APPBP2: variants seen among roughly 807,000 people sequenced by gnomAD.
APPBP2 encodes amyloid protein-binding protein 2.
In APPBP2, 15 loss-of-function variants were observed where a neutral mutation model predicts 76.0. The ratio of observed to expected loss-of-function variants is 0.20; its 90% CI spans 0.13 to 0.30. APPBP2 has a LOEUF of 0.30. Among genes scored for constraint, APPBP2 ranks in the 10% least tolerant of loss-of-function variants. The pLI is 1.00. For missense variants in APPBP2, 401 were observed against 687.2 expected, an observed-to-expected ratio of 0.58 and a Z score of 4.66; for synonymous variants, 222 against 242.2, an observed-to-expected ratio of 0.92 and a Z score of 0.77.
intron 4 of APPBP2, among the ~76,000 whole-genome samples, chr17:60,470,507 CCTT>C (rs2090544383): frequency 6.6e-6 from 1 of 152,188 alleles, no homozygotes; most frequent in Non-Finnish European, 1.5e-5. Flanking sequence ...CTCAAGAAAT[CCTT>C]CTGCCTCAGC....
At chr17:60,462,982 T>C (rs1469322697) in intron 6 of APPBP2, among the ~76,000 whole-genome samples, 1 of 149,796 alleles carries the variant, frequency 6.7e-6, no homozygotes, top group Non-Finnish European at 1.5e-5. Flanking sequence ...AACCCAGAAA[T>C]ATAAATCTTG....
At chr17:60,466,229 A>G in intron 5 of APPBP2, 62 bp downstream of exon 5, 1 of 1,462,774 alleles carries the variant, frequency 6.8e-7, no homozygotes, top group Non-Finnish European at 9.4e-7. Flanking sequence ...AGACTATTTG[A>G]TTTACCCTCT....
At chr17:60,448,039 C>T (rs1377599088) in intron 12 of APPBP2, among the ~76,000 whole-genome samples, 2 of 152,144 alleles carry the variant, frequency 1.3e-5, no homozygotes, top group African/African-American at 2.4e-5. Flanking sequence ...AAAATTTTCT[C>T]GTCTAAAGAA....
At chr17:60,483,659 C>T (rs1445016555) in intron 3 of APPBP2, among the ~76,000 whole-genome samples, 1 of 152,206 alleles carries the variant, frequency 6.6e-6, no homozygotes, top group Non-Finnish European at 1.5e-5. Context: ...TCCCAAAGTG[C>T]TAGGATTACA....
intron 6 of APPBP2, 27 bp from the exon 7 acceptor site, chr17:60,462,088 C>T (rs2090479643): frequency 6.4e-7 from 1 of 1,563,618 alleles, no homozygotes; most frequent in African/African-American, 1.4e-5. Flanking sequence ...AAATGGTTAA[C>T]TCTCAAACAG....
At chr17:60,456,245 T>C (rs377666940) in intron 10 of APPBP2, 51 bp downstream of exon 10, 11 of 1,223,246 alleles carry the variant, frequency 9.0e-6, no homozygotes, top group Non-Finnish European at 1.3e-5. Context: ...CCCTATTTTA[T>C]ACCATATATC....
intron 11 of APPBP2, 30 bp from the exon 12 acceptor site, chr17:60,452,075 T>G: frequency 6.2e-7 from 1 of 1,605,292 alleles, no homozygotes; most frequent in Non-Finnish European, 8.5e-7. Context: ...TATCAATCAT[T>G]ATACTTTTTC....
At chr17:60,460,574 TTAATG>T in intron 9 of APPBP2, 84 bp downstream of exon 9, 3 of 1,324,800 alleles carry the variant, frequency 2.3e-6, no homozygotes, top group Non-Finnish European at 3.1e-6. Flanking sequence ...AGTACTATTA[TTAATG>T]TAATAATAGT....
chr17:60,502,355 C>T (rs1032898574), intron 1 of APPBP2, among the ~76,000 whole-genome samples: 2 of 152,196 alleles, frequency 1.3e-5, no homozygotes, highest in Middle Eastern at 3.2e-3. Context: ...AACAGAATAA[C>T]TCAGGGAAAG....
intron 4 of APPBP2, among the ~76,000 whole-genome samples, chr17:60,466,986 G>C (rs1345301181): frequency 1.3e-5 from 2 of 151,982 alleles, no homozygotes; most frequent in Admixed American, 1.3e-4. Context: ...CTCTATAGTA[G>C]AAATACAGAG....
At position 60,493,479 on chromosome 17, in the gene APPBP2, C is replaced by T. The variant is rs151268647; in HGVS notation, c.379+987G>A. On this transcript the variant is annotated intron_variant, in intron 3 of 12. Transcript: ENST00000083182. ...AGCACACAAAACATTTTTCTAACTA[C>T]TTTTATATTTATCATTTATTTTTAA... Among the ~76,000 whole-genome samples the T allele has an allele frequency of 2.0e-5, 3 of 152,106 alleles. No homozygotes were observed. In the South Asian group the frequency reaches 6.2e-4, roughly 32 times the overall value.
intron 1 of APPBP2, among the ~76,000 whole-genome samples, chr17:60,518,708 T>C (rs920114175): frequency 2.4e-4 from 36 of 152,164 alleles, no homozygotes; most frequent in African/African-American, 8.2e-4. Flanking sequence ...CTCCCTATGT[T>C]GCCCAGGCAG....
At chr17:60,459,861 C>G (rs2143313703) in intron 9 of APPBP2, 1 of 152,314 alleles carries the variant, frequency 6.6e-6, no homozygotes, top group East Asian at 1.9e-4. Flanking sequence ...TAGGCTGTTT[C>G]TTAAACCAAG....
rs796233981 is a variant in APPBP2 at position 60,502,627 on chromosome 17, G to C, written c.139-2140C>G. On this transcript the variant is annotated intron_variant, in intron 1 of 12. Transcript: ENST00000083182. ...CCAGCACTTTGGGAGGCCAAGGGGG[G>C]GTGGATCAGCTGAGGTCAACAGTTC... 4.1e-5 allele frequency among the ~76,000 whole-genome samples: 6 copies of C among 146,512 alleles called. No individual in the cohort carries two copies. In the East Asian group the frequency reaches 1.2e-3, roughly 28 times the overall value.
At chr17:60,507,148 G>A (rs1347995971) in intron 1 of APPBP2, among the ~76,000 whole-genome samples, 1 of 152,026 alleles carries the variant, frequency 6.6e-6, no homozygotes, top group Non-Finnish European at 1.5e-5. Context: ...GGCTTCAAGT[G>A]AACCCATACC....
chr17:60,513,997 TAAA>T (rs35785295), intron 1 of APPBP2, among the ~76,000 whole-genome samples: 38 of 108,550 alleles, frequency 3.5e-4, no homozygotes, highest in African/African-American at 9.8e-4. Flanking sequence ...TTCCCCACAT[TAAA>T]AAAAAAAAAA....
chr17:60,471,161 T>C (rs1451263845), intron 4 of APPBP2, among the ~76,000 whole-genome samples: 4 of 152,192 alleles, frequency 2.6e-5, no homozygotes, highest in Non-Finnish European at 2.9e-5. Context: ...AGAAACTTAA[T>C]TGACATGTGA....
chr17:60,510,588 T>A (rs1046769922), intron 1 of APPBP2, among the ~76,000 whole-genome samples: 1 of 149,862 alleles, frequency 6.7e-6, no homozygotes, highest in East Asian at 2.0e-4. Flanking sequence ...CCAAGCATGG[T>A]GGCGTGTGCC....
rs150717206 is a variant in APPBP2 at position 60,473,621 on chromosome 17, C to A, written c.503+5527G>T. Among the ~76,000 whole-genome samples, 549 of 152,058 alleles carry A rather than the reference C, an allele frequency of 3.6e-3. 1 individual carries two copies. Among genetic ancestry groups the A allele is most frequent in the Admixed American group, 6.0e-3 (91 of 15,276 alleles). On this transcript the variant is annotated intron_variant, in intron 4 of 12. Coordinates refer to ENST00000083182, the MANE Select transcript of APPBP2 (RefSeq NM_006380.5). ...CTTGAGCCCAGGAGTTTGAGACCAGCCTGGGCAACATACTGAGGTCCCTTT... is the reference window on the plus strand; with the variant it reads ...CTTGAGCCCAGGAGTTTGAGACCAGACTGGGCAACATACTGAGGTCCCTTT...
Sources: allele counts gnomAD v4.1 joint callset (sites outside exome capture counted in the v4.1 genomes callset), GRCh38; gene constraint gnomAD v4.1.1; transcripts MANE v1.5; gene names NCBI Gene and HGNC (gene_info 2026-07-23, HGNC 2026-07-21).